Variants in IL1RAPL1 observed in about 807,000 individuals in gnomAD.
IL1RAPL1 encodes interleukin 1 receptor accessory protein like 1.
In IL1RAPL1, 3 loss-of-function variants were observed where a neutral mutation model predicts 48.4. That is an observed-to-expected ratio of 0.06 (90% CI 0.03 to 0.16). The LOEUF is 0.16. Ranked by LOEUF, IL1RAPL1 falls within the 10% of genes least tolerant of loss-of-function variation. The pLI is 1.00. For synonymous variants in IL1RAPL1, 185 were observed against 187.7 expected, an observed-to-expected ratio of 0.99 and a Z score of 0.12; for missense variants, 349 against 530.6, an observed-to-expected ratio of 0.66 and a Z score of 3.36.
chrX:29,180,504 G>A (rs2147520190), intron 2 of IL1RAPL1, among the ~76,000 whole-genome samples: 1 of 109,592 alleles, frequency 9.1e-6, no homozygotes, highest in South Asian at 4.0e-4. Flanking sequence ...AACCTCCCAA[G>A]TAGCTGGGAT....
intron 6 of IL1RAPL1, among the ~76,000 whole-genome samples, chrX:29,867,992 A>G (rs1349681819): frequency 8.9e-6 from 1 of 112,540 alleles, no homozygotes; most frequent in Admixed American, 9.4e-5. Context: ...GGTGGCACAA[A>G]TAATAGAAAC....
At chrX:29,802,816 TATATATATGTATAC>T (rs1929979869) in intron 6 of IL1RAPL1, among the ~76,000 whole-genome samples, 1 of 74,749 alleles carries the variant, frequency 1.3e-5, no homozygotes, top group Non-Finnish European at 2.4e-5. Context: ...TATATGTGTG[TATATATATGTATAC>T]ATATATGTAT....
At chrX:29,018,301 C>A (rs1190731053) in intron 2 of IL1RAPL1, among the ~76,000 whole-genome samples, 1 of 112,144 alleles carries the variant, frequency 8.9e-6, no homozygotes, top group African/African-American at 3.2e-5. Context: ...AATGGGTTTA[C>A]ATATTAATTA....
intron 2 of IL1RAPL1, among the ~76,000 whole-genome samples, chrX:29,035,245 A>G (rs757853107): frequency 5.4e-5 from 6 of 110,941 alleles, no homozygotes; most frequent in East Asian, 2.8e-4. Context: ...CTGATTATCA[A>G]TTTGCCTTTC....
intron 2 of IL1RAPL1, among the ~76,000 whole-genome samples, chrX:29,219,590 G>A (rs749256165): frequency 1.8e-5 from 2 of 111,663 alleles, no homozygotes; most frequent in East Asian, 5.6e-4. Context: ...TATCTGGACT[G>A]TTGCATCTTG....
chrX:28,643,351 T>G, intron 1 of IL1RAPL1, among the ~76,000 whole-genome samples: 1 of 110,307 alleles, frequency 9.1e-6, no homozygotes, highest in East Asian at 2.8e-4. Context: ...TTCCCCAGAG[T>G]GAGTGGTTAA....
intron 5 of IL1RAPL1, among the ~76,000 whole-genome samples, chrX:29,517,582 T>A (rs1935459763): frequency 8.9e-6 from 1 of 111,836 alleles, no homozygotes; most frequent in Admixed American, 9.5e-5. Context: ...GAATTGTTAA[T>A]ATTTTAAGAC....
chrX:28,858,228 C>T (rs186468934), intron 2 of IL1RAPL1, among the ~76,000 whole-genome samples: 1 of 112,147 alleles, frequency 8.9e-6, no homozygotes, highest in East Asian at 2.8e-4. Flanking sequence ...GAAATCTACT[C>T]CTGGTGAGGA....
chrX:29,930,421 A>G (rs1205601128), intron 8 of IL1RAPL1, among the ~76,000 whole-genome samples: 1 of 112,199 alleles, frequency 8.9e-6, no homozygotes, highest in African/African-American at 3.2e-5. Context: ...AAGGCAAAAT[A>G]TAAGCTATTT....
chrX:28,618,095 T>C (rs993149662), intron 1 of IL1RAPL1, among the ~76,000 whole-genome samples: 2 of 112,088 alleles, frequency 1.8e-5, no homozygotes, highest in Non-Finnish European at 3.8e-5. Flanking sequence ...AGAATAGATA[T>C]CTTTTTTTCA....
intron 2 of IL1RAPL1, among the ~76,000 whole-genome samples, chrX:29,003,161 A>G (rs1344559226): frequency 8.9e-6 from 1 of 111,878 alleles, no homozygotes; most frequent in African/African-American, 3.3e-5. Flanking sequence ...TATGCTTGCT[A>G]TGTGCAAAAC....
chrX:29,454,689 A>G (rs1012430417), intron 5 of IL1RAPL1, among the ~76,000 whole-genome samples: 5 of 111,548 alleles, frequency 4.5e-5, no homozygotes, highest in African/African-American at 1.3e-4. Context: ...AAAATTGTTC[A>G]AAAATCAGCA....
At chrX:29,702,211 G>A (rs1426362608) in intron 6 of IL1RAPL1, among the ~76,000 whole-genome samples, 5 of 104,899 alleles carry the variant, frequency 4.8e-5, no homozygotes, top group Non-Finnish European at 7.8e-5. Flanking sequence ...CCGAGATTGC[G>A]CCACTGCACT....
intron 2 of IL1RAPL1, among the ~76,000 whole-genome samples, chrX:29,053,956 A>G (rs1458781246): frequency 8.9e-6 from 1 of 111,812 alleles, no homozygotes; most frequent in Non-Finnish European, 1.9e-5. Context: ...TGTCCTCTAG[A>G]TTCATCCATG....
chrX:28,680,634 C>G (rs906458091), intron 1 of IL1RAPL1, among the ~76,000 whole-genome samples: 7 of 111,077 alleles, frequency 6.3e-5, no homozygotes, highest in African/African-American at 2.3e-4. Flanking sequence ...CCTTCTATAC[C>G]TATTTTGTTG....
At chrX:28,602,885 T>C (rs761181436) in intron 1 of IL1RAPL1, among the ~76,000 whole-genome samples, 2 of 111,767 alleles carry the variant, frequency 1.8e-5, no homozygotes, top group Non-Finnish European at 1.9e-5. Flanking sequence ...CTGAAAGATA[T>C]TATGAAAATT....
chrX:28,793,658 G>C (rs985243827), intron 2 of IL1RAPL1, among the ~76,000 whole-genome samples: 2 of 111,081 alleles, frequency 1.8e-5, no homozygotes, highest in African/African-American at 6.5e-5. Context: ...TTTGGGAGCA[G>C]GGAAATAGTA....
chrX:28,742,967 C>A (rs1322757865), intron 1 of IL1RAPL1, among the ~76,000 whole-genome samples: 1 of 111,488 alleles, frequency 9.0e-6, no homozygotes, highest in African/African-American at 3.3e-5. Context: ...TGGTAGAAAC[C>A]AAATGTAATT....
intron 2 of IL1RAPL1, among the ~76,000 whole-genome samples, chrX:29,110,950 A>T (rs1928552302): frequency 9.0e-6 from 1 of 111,315 alleles, no homozygotes; most frequent in African/African-American, 3.3e-5. Context: ...CACTATTAGC[A>T]TTTGGGATTA....
Sources: allele counts gnomAD v4.1 joint callset (sites outside exome capture counted in the v4.1 genomes callset), GRCh38; gene constraint gnomAD v4.1.1; transcripts MANE v1.5; gene names NCBI Gene and HGNC (gene_info 2026-07-23, HGNC 2026-07-21).